Variants in CACNA1F observed in about 807,000 individuals in gnomAD.
CACNA1F encodes the protein calcium voltage-gated channel subunit alpha1 F.
Under a neutral mutation model 143.8 loss-of-function variants are expected in CACNA1F, and 59 were observed. That is an observed-to-expected ratio of 0.41 (90% CI 0.33 to 0.51). CACNA1F has a LOEUF of 0.51. Ranked by LOEUF, CACNA1F falls within the 20% of genes least tolerant of loss-of-function variation. The probability of loss-of-function intolerance (pLI) is 0.22; values close to 1 mark genes in which losing one functional copy is unlikely to be tolerated. For synonymous variants in CACNA1F, 643 were observed against 649.1 expected (o/e 0.99, Z 0.14); for missense variants, 1,411 against 1,647.5 (o/e 0.86, Z 2.48).
chrX:49,216,612 A>G, intron 26 of CACNA1F, 84 bp from the exon 27 acceptor site: 1 of 890,717 alleles, frequency 1.1e-6, no homozygotes, highest in African/African-American at 1.9e-5. Flanking sequence ...TGGAGGCAGC[A>G]GGACATAGTG....
chrX:49,226,609 C>T lies in CACNA1F; in HGVS notation c.1369+1G>A. Reference sequence around the variant, plus strand: ...CCACCCCAGCCTGGCTGGACCCCCACCATGGCTGCTGGTGGAGTGTGTGGA... The same window carrying T: ...CCACCCCAGCCTGGCTGGACCCCCATCATGGCTGCTGGTGGAGTGTGTGGA... On this transcript the variant is annotated splice_donor_variant, in intron 10 of 47. Transcript: ENST00000323022. LOFTEE classifies it high-confidence loss of function. 8.5e-7 allele frequency: 1 copy of T among 1,176,641 alleles called. No homozygotes were observed.
chrX:49,223,522 C>T (rs1213901268), intron 14 of CACNA1F, among the ~76,000 whole-genome samples: 4 of 91,911 alleles, frequency 4.4e-5, no homozygotes, highest in Admixed American at 2.6e-4. Context: ...TGGCGTGAAC[C>T]CAGGAGGCGG....
intron 2 of CACNA1F, 122 bp from the exon 3 acceptor site, chrX:49,231,429 C>T (rs1448342896): frequency 1.6e-6 from 1 of 627,409 alleles, no homozygotes; most frequent in Non-Finnish European, 2.6e-6. Flanking sequence ...CATTCTCGAC[C>T]CCTGCCCTGA....
intron 5 of CACNA1F, 34 bp downstream of exon 5, chrX:49,230,433 C>T: frequency 8.3e-7 from 1 of 1,208,228 alleles, no homozygotes; most frequent in Non-Finnish European, 1.1e-6. Flanking sequence ...CACCCCCACC[C>T]TCCACCTCCG....
At chrX:49,220,347 G>C (rs189605273) in intron 19 of CACNA1F, 126 bp downstream of exon 19, 1 of 532,173 alleles carries the variant, frequency 1.9e-6, no homozygotes, top group East Asian at 3.6e-5. Context: ...TACCAAGTCT[G>C]TTATTTTCAG....
chrX:49,216,225 C>G (rs1557107340), intron 27 of CACNA1F, among the ~76,000 whole-genome samples, 157 bp downstream of exon 27: 1 of 111,002 alleles, frequency 9.0e-6, no homozygotes, highest in South Asian at 3.8e-4. Context: ...CTACAGTCCT[C>G]TGATACACCC....
intron 14 of CACNA1F, 101 bp downstream of exon 14, chrX:49,224,660 G>A: frequency 1.7e-6 from 1 of 582,572 alleles, no homozygotes; most frequent in Non-Finnish European, 2.9e-6. Flanking sequence ...ATGGATGTCT[G>A]CTCAATGAAT....
At chrX:49,210,874 G>T in intron 37 of CACNA1F, 91 bp downstream of exon 37, 1 of 999,080 alleles carries the variant, frequency 1.0e-6, no homozygotes, top group Non-Finnish European at 1.4e-6. Context: ...ACTGGGTAAT[G>T]AGATGCAGCA....
intron 27 of CACNA1F, 26 bp from the exon 28 acceptor site, chrX:49,215,569 G>T (rs782247806): frequency 5.5e-6 from 5 of 911,879 alleles, no homozygotes; most frequent in Non-Finnish European, 7.9e-6. Flanking sequence ...GGGGGGTAGA[G>T]GTGGGGGCAG....
In CACNA1F at chrX:49,230,575, G is replaced by C; in HGVS notation, c.556C>G (p.Arg186Gly). 3.4e-6 allele frequency: 4 copies of C among 1,172,586 alleles called. No homozygotes were observed. The highest frequency in any genetic ancestry group is 4.6e-6 in the Non-Finnish European group (4 of 875,246). The change falls in exon 5 of 48, where the codon CGG becomes GGG. Residue 186 changes from arginine (R) to glycine (G), a missense_variant. By Grantham distance (125) the Arg-to-Gly change is moderately radical. Transcript: ENST00000323022. ...FSVLLEQGPG[R>G]PGDAPHTGGK... ...CCGGTGTGCGGGGCGTCGCCTGGCC[G>C]TCCGGGGCCCTGCTCCAGCAGAACG...
In CACNA1F at chrX:49,205,249, C is replaced by T. The variant is rs781873239; in HGVS notation, c.5789G>A (p.Ser1930Asn). Residue 1930 changes from serine to asparagine, a missense_variant, in exon 48 of 48, where the codon AGT becomes AAT. Coordinates refer to ENST00000323022, the MANE Select transcript of CACNA1F (RefSeq NM_001256789.3). Reference sequence around the variant, plus strand: ...GCTGGTTCCCTGTGCCAGCAGGTCACTGGCAGCATTGTCCATCTCATCCAG... The same window carrying T: ...GCTGGTTCCCTGTGCCAGCAGGTCATTGGCAGCATTGTCCATCTCATCCAG... ...LTLDEMDNAA[S>N]DLLAQGTSSL... is the part of the protein sequence containing the mutation. 1.7e-6 allele frequency: 2 copies of T among 1,207,582 alleles called. No individual in the cohort carries two copies. Among genetic ancestry groups the T allele is most frequent in the African/African-American group, 1.8e-5 (1 of 56,955 alleles).
intron 17 of CACNA1F, chrX:49,222,296 C>T: frequency 2.4e-6 from 1 of 425,010 alleles, no homozygotes; most frequent in South Asian, 3.8e-5. Flanking sequence ...AAGGCAAGGA[C>T]TCTTGTCTGC....
rs1557110257 is a variant in CACNA1F at position 49,227,142 on chromosome X, T to C, written c.1119-15A>G. The C allele has an allele frequency of 2.6e-6, 3 of 1,155,449 alleles. No individual in the cohort carries two copies. The highest frequency in any genetic ancestry group is 3.5e-6 in the Non-Finnish European group (3 of 862,110). On this transcript the variant is annotated splice_polypyrimidine_tract_variant and intron_variant, in intron 8 of 47. Transcript: ENST00000323022. ...TGGAGAACTCCCTGAGGGAGGAGGA[T>C]AGAGGGCTAGGGGGAGGAGCCAATC...
intron 27 of CACNA1F, 26 bp downstream of exon 27, chrX:49,216,356 G>A: frequency 8.3e-7 from 1 of 1,207,371 alleles, no homozygotes; most frequent in South Asian, 1.8e-5. Context: ...CTCATCCCCT[G>A]ATAAACCCAG....
At chrX:49,213,229 A>T (rs1416254600) in intron 31 of CACNA1F, among the ~76,000 whole-genome samples, 5 of 111,424 alleles carry the variant, frequency 4.5e-5, no homozygotes, top group African/African-American at 1.6e-4. Flanking sequence ...ATTGGAGCCA[A>T]TAGAGGAAAT....
At chrX:49,226,934 T>C in intron 9 of CACNA1F, 36 bp downstream of exon 9, 13 of 1,210,651 alleles carry the variant, frequency 1.1e-5, no homozygotes, top group Non-Finnish European at 1.5e-5. Context: ...TGGAGTTGCC[T>C]ACGATGGCCC....
At chrX:49,222,272 A>G (rs782282965) in intron 17 of CACNA1F, 1 of 398,260 alleles carries the variant, frequency 2.5e-6, no homozygotes, top group African/African-American at 2.5e-5. Context: ...CTCAACTAGA[A>G]TGTTAGTTCC....
At chrX:49,223,923 G>A (rs974176183) in intron 14 of CACNA1F, among the ~76,000 whole-genome samples, 1 of 109,670 alleles carries the variant, frequency 9.1e-6, no homozygotes, top group Admixed American at 9.8e-5. Context: ...TAGTAGAGAC[G>A]GGGTTTCACT....
chrX:49,212,655 G>A lies in CACNA1F; in HGVS notation c.3942+12C>T. 8.3e-7 allele frequency: 1 copy of A among 1,208,700 alleles called. No homozygotes were observed. The highest frequency in any genetic ancestry group is 1.7e-5 in the African/African-American group (1 of 57,811). The stretch of plus-strand genomic sequence containing the variant: ...GGCGAGGTATGGTCAAAGGGATGGG[G>A]TAGGGGATTACCTGGAAGGACTTGA... On this transcript the variant is annotated intron_variant, in intron 33 of 47. Coordinates refer to ENST00000323022, the MANE Select transcript of CACNA1F (RefSeq NM_001256789.3).
Sources: allele counts gnomAD v4.1 joint callset (sites outside exome capture counted in the v4.1 genomes callset), GRCh38; gene constraint gnomAD v4.1.1; transcripts MANE v1.5; gene names NCBI Gene and HGNC (gene_info 2026-07-23, HGNC 2026-07-21).